Variants in GALNT13 observed in about 807,000 individuals in gnomAD.
GALNT13 encodes the protein polypeptide N-acetylgalactosaminyltransferase 13.
A neutral mutation model predicts 64.2 loss-of-function variants in GALNT13; 28 were observed. That is an observed-to-expected ratio of 0.44 (90% CI 0.32 to 0.60). The LOEUF is 0.60. Among genes scored for constraint, GALNT13 ranks in the 20% least tolerant of loss-of-function variants. The pLI is 0.05. For synonymous variants in GALNT13, 214 were observed against 224.6 expected (o/e 0.95, Z 0.42); for missense variants, 577 against 669.8 (o/e 0.86, Z 1.53).
At chr2:154,313,243 T>C (rs1326562963) in intron 9 of GALNT13, among the ~76,000 whole-genome samples, 1 of 148,774 alleles carries the variant, frequency 6.7e-6, no homozygotes, top group Non-Finnish European at 1.5e-5. Context: ...TATTTATGCA[T>C]ATGTATATAT....
At chr2:154,368,997 A>ACTT (rs1697529125) in intron 9 of GALNT13, among the ~76,000 whole-genome samples, 2 of 150,668 alleles carry the variant, frequency 1.3e-5, no homozygotes, top group East Asian at 3.9e-4. Flanking sequence ...GAAGACACCG[A>ACTT]GTTGTTGTTG....
the GALNT13 span, among the ~76,000 whole-genome samples, chr2:153,480,501 C>T: frequency 6.6e-6 from 1 of 152,056 alleles, no homozygotes; most frequent in Admixed American, 6.6e-5. Flanking sequence ...TCTAGTTTCC[C>T]ATAATTTAAT....
At chr2:154,348,688 T>C (rs1377076417) in intron 9 of GALNT13, among the ~76,000 whole-genome samples, 6 of 151,984 alleles carry the variant, frequency 3.9e-5, no homozygotes, top group Non-Finnish European at 8.8e-5. Context: ...GGGAATCTAT[T>C]TGAGGAAGTC....
the GALNT13 span, among the ~76,000 whole-genome samples, chr2:153,331,901 G>A: frequency 1.3e-5 from 2 of 152,014 alleles, no homozygotes; most frequent in Admixed American, 6.6e-5. Context: ...TTTCAATCTT[G>A]GGAGATTGTG....
the GALNT13 span, among the ~76,000 whole-genome samples, chr2:153,222,427 A>C: frequency 4.0e-5 from 2 of 50,348 alleles, no homozygotes; most frequent in Admixed American, 2.1e-4. Context: ...AAGCACCTTA[A>C]GTTCTCACTC....
the GALNT13 span, among the ~76,000 whole-genome samples, chr2:153,634,461 AC>A: frequency 4.0e-5 from 6 of 149,270 alleles, no homozygotes; most frequent in Non-Finnish European, 8.9e-5. Context: ...ATACTCCTAG[AC>A]TCTCTTCTTC....
the GALNT13 span, among the ~76,000 whole-genome samples, chr2:153,588,363 G>T: frequency 6.6e-6 from 1 of 152,222 alleles, no homozygotes; most frequent in African/African-American, 2.4e-5. Flanking sequence ...CGCCCCTGCA[G>T]CAAACTCCTG....
At chr2:153,698,454 C>A in the GALNT13 span, among the ~76,000 whole-genome samples, 2 of 152,002 alleles carry the variant, frequency 1.3e-5, no homozygotes, top group Non-Finnish European at 2.9e-5. Context: ...TAGTCTCTGA[C>A]AAAACAGACT....
chr2:153,916,555 TG>T lies in GALNT13; in HGVS notation c.-105+15549del, dbSNP rs1485176063. 1.3e-5 allele frequency among the ~76,000 whole-genome samples: 2 copies of T among 152,136 alleles called. 1 individual carries two copies. Among genetic ancestry groups the T allele is most frequent in the African/African-American group, 4.8e-5 (2 of 41,436 alleles). On this transcript the variant is annotated intron_variant, in intron 2 of 12. Transcript: ENST00000392825. ...TGATCTCAGTTCAGCAAATACTAGC[TG>T]TGATACCTTGAGCAAGGTTTTTATT... is the stretch of plus-strand genomic sequence containing the variant.
the GALNT13 span, among the ~76,000 whole-genome samples, chr2:153,373,411 T>TA: frequency 3.2e-4 from 48 of 152,324 alleles, no homozygotes; most frequent in African/African-American, 1.1e-3. Context: ...TTTTATTTTT[T>TA]ATCACAGTAT....
At chr2:153,637,989 C>T in the GALNT13 span, among the ~76,000 whole-genome samples, 7 of 151,944 alleles carry the variant, frequency 4.6e-5, no homozygotes, top group Non-Finnish European at 1.0e-4. Context: ...TAAGGTGAGA[C>T]GTGGAAAGGG....
chr2:153,143,989 G>A, the GALNT13 span, among the ~76,000 whole-genome samples: 2 of 151,862 alleles, frequency 1.3e-5, no homozygotes, highest in African/African-American at 2.4e-5. Flanking sequence ...CTGGAGTTTC[G>A]GTCATCACAT....
chr2:153,623,554 T>G, the GALNT13 span, among the ~76,000 whole-genome samples: 5 of 151,970 alleles, frequency 3.3e-5, no homozygotes, highest in African/African-American at 1.2e-4. Context: ...GCAAGTTCCC[T>G]CCAAATGATG....
chr2:153,466,046 A>G, the GALNT13 span, among the ~76,000 whole-genome samples: 1 of 152,052 alleles, frequency 6.6e-6, no homozygotes, highest in African/African-American at 2.4e-5. Context: ...AATTAAAACA[A>G]AAATCACAGG....
intron 3 of GALNT13, among the ~76,000 whole-genome samples, chr2:153,980,857 G>A (rs1158137422): frequency 6.6e-6 from 1 of 152,082 alleles, no homozygotes; most frequent in African/African-American, 2.4e-5. Context: ...AAAGCCGTAA[G>A]GTATCGTGAA....
At chr2:153,387,957 A>G in the GALNT13 span, among the ~76,000 whole-genome samples, 1 of 151,758 alleles carries the variant, frequency 6.6e-6, no homozygotes, top group South Asian at 2.1e-4. Context: ...GCATATAAAA[A>G]TCCCTTCTAA....
At chr2:153,162,949 G>A in the GALNT13 span, among the ~76,000 whole-genome samples, 1 of 152,146 alleles carries the variant, frequency 6.6e-6, no homozygotes. Flanking sequence ...AGAGGCTGGG[G>A]CCTCTCTCAA....
intron 2 of GALNT13, among the ~76,000 whole-genome samples, chr2:153,920,780 G>A (rs7568393): frequency 0.72 from 109,007 of 151,808 alleles, 39,421 homozygotes; most frequent in East Asian, 0.96. Context: ...TTAAGTGTAT[G>A]AACAAAAAAA....
the GALNT13 span, among the ~76,000 whole-genome samples, chr2:153,818,787 G>T: frequency 1.3e-5 from 2 of 152,136 alleles, no homozygotes; most frequent in South Asian, 2.1e-4. Flanking sequence ...CAGCCACCCT[G>T]CTCCATCTGA....
Sources: allele counts gnomAD v4.1 joint callset (sites outside exome capture counted in the v4.1 genomes callset), GRCh38; gene constraint gnomAD v4.1.1; transcripts MANE v1.5; gene names NCBI Gene and HGNC (gene_info 2026-07-23, HGNC 2026-07-21).